The following ASTN2 variants were observed in gnomAD, a reference collection of about 807,000 sequenced individuals.
ASTN2 encodes astrotactin-2.
A neutral mutation model predicts 139.8 loss-of-function variants in ASTN2; 54 were observed. The observed-to-expected ratio is 0.39, with a 90% CI of 0.31 to 0.48. The LOEUF (loss-of-function observed/expected upper bound fraction) is 0.48, where lower values mean the gene tolerates loss of function less well. Ranked by LOEUF, ASTN2 falls within the 20% of genes least tolerant of loss-of-function variation. The pLI is 0.95. For synonymous variants in ASTN2, 756 were observed against 719.5 expected, an observed-to-expected ratio of 1.05 and a Z score of -0.81; for missense variants, 1,565 against 1,725.1, an observed-to-expected ratio of 0.91 and a Z score of 1.64.
At chr9:117,146,475 G>GAAAAAAAAAAAAAAAAAAAAAAAAA (rs61356397) in intron 3 of ASTN2, among the ~76,000 whole-genome samples, 1 of 120,674 alleles carries the variant, frequency 8.3e-6, no homozygotes, top group Non-Finnish European at 1.7e-5. Context: ...GAAGAGGAGA[G>GAAAAAAAAAAAAAAAAAAAAAAAAA]AAAAAAAAAA....
chr9:117,348,382 A>T (rs1829288327), intron 1 of ASTN2, among the ~76,000 whole-genome samples: 1 of 152,200 alleles, frequency 6.6e-6, no homozygotes, highest in African/African-American at 2.4e-5. Context: ...CATAGACATA[A>T]TCCAAGAGAT....
chr9:117,016,636 A>AAAACC (rs1564385933), intron 6 of ASTN2, among the ~76,000 whole-genome samples: 4 of 21,446 alleles, frequency 1.9e-4, no homozygotes, highest in African/African-American at 4.0e-4. Flanking sequence ...ATATATATAT[A>AAAACC]TATATATATA....
At chr9:116,958,976 G>A (rs1835802147) in intron 10 of ASTN2, among the ~76,000 whole-genome samples, 1 of 152,160 alleles carries the variant, frequency 6.6e-6, no homozygotes. Context: ...TTTGAGGGTG[G>A]CAAGAGTGAA....
intron 11 of ASTN2, among the ~76,000 whole-genome samples, chr9:116,821,692 G>C (rs13284460): frequency 0.22 from 33,721 of 151,822 alleles, 4,232 homozygotes; most frequent in Admixed American, 0.29. Context: ...AGACAACCTA[G>C]TCCTCTGCTT....
Position 116,726,742 on chromosome 9 carries a change from G to A in ASTN2, c.2627-792C>T, listed in dbSNP as rs546794089. On this transcript the variant is annotated intron_variant, in intron 15 of 22. Coordinates refer to ENST00000313400, the MANE Select transcript of ASTN2 (RefSeq NM_001365068.1). Reference sequence around the variant, plus strand: ...GTCCTCAGCACTTAACATGGGGCCTGCACAGCAGTCACTCAGTAAAAACTG... The same window carrying A: ...GTCCTCAGCACTTAACATGGGGCCTACACAGCAGTCACTCAGTAAAAACTG... Among the ~76,000 whole-genome samples the A allele has an allele frequency of 5.9e-5, 9 of 152,190 alleles. No homozygotes were observed. The East Asian group carries it at 1.7e-3, about 29-fold the overall frequency.
intron 10 of ASTN2, among the ~76,000 whole-genome samples, chr9:116,874,328 G>T (rs556177281): frequency 6.6e-6 from 1 of 152,248 alleles, no homozygotes; most frequent in South Asian, 2.1e-4. Flanking sequence ...CTTCCTGGGA[G>T]TGTCTTGTGC....
intron 13 of ASTN2, among the ~76,000 whole-genome samples, chr9:116,765,456 T>C (rs971345664): frequency 6.6e-6 from 1 of 152,176 alleles, no homozygotes; most frequent in Non-Finnish European, 1.5e-5. Flanking sequence ...TATGTGATAT[T>C]GGGTATCAAC....
At chr9:116,848,439 C>T (rs969702167) in intron 11 of ASTN2, among the ~76,000 whole-genome samples, 7 of 152,118 alleles carry the variant, frequency 4.6e-5, no homozygotes, top group African/African-American at 1.4e-4. Context: ...TAACTCATTC[C>T]CTCCTCAAAG....
At chr9:116,502,754 GGAAGGAGA>G (rs1652449454) in intron 19 of ASTN2, among the ~76,000 whole-genome samples, 1 of 87,136 alleles carries the variant, frequency 1.1e-5, no homozygotes, top group Non-Finnish European at 2.4e-5. Flanking sequence ...AATGAGGGAA[GGAAGGAGA>G]GAAGGAAGGA....
intron 10 of ASTN2, among the ~76,000 whole-genome samples, chr9:116,971,959 C>T (rs1264510405): frequency 6.6e-6 from 1 of 152,154 alleles, no homozygotes; most frequent in Non-Finnish European, 1.5e-5. Flanking sequence ...AGGTCCATAG[C>T]CTATGCCCTC....
chr9:117,127,672 G>GTTTT (rs11427891), intron 4 of ASTN2, among the ~76,000 whole-genome samples: 6,407 of 70,982 alleles, frequency 0.09, 1,061 homozygotes, highest in Non-Finnish European at 0.13. Flanking sequence ...TTTTGTTTTG[G>GTTTT]TTTTTTTTTT....
chr9:117,040,974 G>A (rs559525283), intron 5 of ASTN2, among the ~76,000 whole-genome samples: 8 of 152,282 alleles, frequency 5.3e-5, no homozygotes, highest in African/African-American at 1.9e-4. Context: ...ATAGGCTAGG[G>A]GGAAAAGTCA....
chr9:116,716,110 C>A (rs1318388387), intron 16 of ASTN2, among the ~76,000 whole-genome samples: 1 of 152,150 alleles, frequency 6.6e-6, no homozygotes, highest in East Asian at 1.9e-4. Context: ...ATCTAACAAT[C>A]CTGCTCCCTC....
intron 10 of ASTN2, among the ~76,000 whole-genome samples, chr9:116,917,535 C>T (rs532090608): frequency 1.3e-5 from 2 of 152,330 alleles, no homozygotes; most frequent in East Asian, 3.9e-4. Context: ...GAACTTGTGT[C>T]TTAAAGAGGA....
intron 1 of ASTN2, among the ~76,000 whole-genome samples, chr9:117,318,249 T>C (rs1828210109): frequency 6.6e-6 from 1 of 152,182 alleles, no homozygotes; most frequent in Non-Finnish European, 1.5e-5. Context: ...TTTCTATCTG[T>C]AATATGGGGA....
chr9:116,447,422 C>T (rs1336645920), intron 20 of ASTN2, among the ~76,000 whole-genome samples: 1 of 152,150 alleles, frequency 6.6e-6, no homozygotes, highest in Non-Finnish European at 1.5e-5. Flanking sequence ...ACACCTACAC[C>T]TGGTGCACCA....
rs201113271 is a variant in ASTN2 at position 117,198,365 on chromosome 9, C to T, written c.1015+15993G>A. Among the ~76,000 whole-genome samples the T allele has an allele frequency of 5.4e-4, 82 of 152,166 alleles. No homozygotes were observed. In the East Asian group the frequency reaches 6.6e-3, roughly 12 times the overall value. On this transcript the variant is annotated intron_variant, in intron 3 of 22. Transcript: ENST00000313400. ...CCCTGCAAAAGACATGATCTCATTC[C>T]TTTTTATGGCTGCATAGTATTCCAT...
intron 3 of ASTN2, among the ~76,000 whole-genome samples, chr9:117,176,509 A>G (rs1182181858): frequency 6.6e-6 from 1 of 152,198 alleles, no homozygotes; most frequent in Non-Finnish European, 1.5e-5. Context: ...ACTTTATTGC[A>G]TGATAAAAGT....
At position 116,820,668 on chromosome 9, in the gene ASTN2, G is replaced by A. The variant is rs775511096; in HGVS notation, c.2156C>T (p.Thr719Met). 1.2e-5 allele frequency: 19 copies of A among 1,614,068 alleles called. No individual in the cohort carries two copies. Among genetic ancestry groups the A allele is most frequent in the Middle Eastern group, 1.6e-4 (1 of 6,084 alleles). The change falls in exon 12 of 23, where the codon ACG (threonine) becomes ATG (methionine). Residue 719 changes from threonine (T) to methionine (M), a missense_variant. Physicochemically the swap from Thr to Met is moderately conservative, Grantham distance 81. This residue lies in a region of ASTN2 where 503 missense variants were observed against 591.7 expected (regional missense o/e 0.85). Coordinates refer to ENST00000313400, the MANE Select transcript of ASTN2 (RefSeq NM_001365068.1). ...GGCEQLCLQQTLPLPYDATSS... is the reference protein window; with the variant it reads ...GGCEQLCLQQMLPLPYDATSS... ...AGTGGCATCGTAGGGCAGGGGCAGC[G>A]TCTGCTGCAGGCACAGCTGCTCACA...
Sources: allele counts gnomAD v4.1 joint callset (sites outside exome capture counted in the v4.1 genomes callset), GRCh38; gene constraint gnomAD v4.1.1; regional missense constraint gnomAD v4.1.1; transcripts MANE v1.5; gene names NCBI Gene and HGNC (gene_info 2026-07-23, HGNC 2026-07-21).